Variants in ANO2 observed in about 807,000 individuals in gnomAD.
ANO2 encodes the protein anoctamin 2.
ANO2 carries 101 observed loss-of-function variants against 124.2 expected under a neutral mutation model. That is an observed-to-expected ratio of 0.81 (90% CI 0.69 to 0.96). The LOEUF (loss-of-function observed/expected upper bound fraction) is 0.96. ANO2 is among the 40% of genes least tolerant of loss of function. The probability of loss-of-function intolerance (pLI) is 0.00; values close to 1 mark genes in which losing one functional copy is unlikely to be tolerated. For missense variants in ANO2, 1,293 were observed against 1,274.5 expected (o/e 1.01, Z -0.22); for synonymous variants, 486 against 482.5 (o/e 1.01, Z -0.09).
intron 14 of ANO2, among the ~76,000 whole-genome samples, chr12:5,657,203 G>A (rs918992509): frequency 2.6e-5 from 4 of 152,184 alleles, no homozygotes; most frequent in African/African-American, 9.6e-5. Context: ...TTGACTTGAT[G>A]GGGGGTGGAG....
At chr12:5,669,685 C>G (rs921386438) in intron 14 of ANO2, among the ~76,000 whole-genome samples, 1 of 152,096 alleles carries the variant, frequency 6.6e-6, no homozygotes. Flanking sequence ...TCATAAATGG[C>G]TGGAAGTATT....
chr12:5,727,811 CTTTTTTT>C lies in ANO2; in HGVS notation c.1545+4702_1545+4708del, dbSNP rs78477563. ...TGCCACCACGCCCGGCTACTTTTTT[CTTTTTTT>C]TTTTTCGAGACAGAGTCTTGCTCTG... On this transcript the variant is annotated intron_variant, in intron 14 of 24. Coordinates refer to ENST00000682330, the MANE Select transcript of ANO2 (RefSeq NM_001364791.2). 4.3e-3 allele frequency among the ~76,000 whole-genome samples: 535 copies of C among 124,504 alleles called. 8 individuals are homozygous for C. The highest frequency in any genetic ancestry group is 0.015 in the African/African-American group (512 of 33,074). 81.7% of individuals were successfully genotyped at this position (124,504 alleles called of 152,430 possible). A position where few individuals can be genotyped will look rare whatever the true frequency, so the allele number is the denominator to read the frequency against.
At chr12:5,843,707 C>T (rs1207658490) in intron 4 of ANO2, among the ~76,000 whole-genome samples, 1 of 152,056 alleles carries the variant, frequency 6.6e-6, no homozygotes, top group Admixed American at 6.6e-5. Context: ...TTCCTGTTGC[C>T]GAATTTCATA....
intron 20 of ANO2, among the ~76,000 whole-genome samples, chr12:5,591,165 A>T (rs1174771152): frequency 6.6e-6 from 1 of 152,202 alleles, no homozygotes; most frequent in Non-Finnish European, 1.5e-5. Flanking sequence ...GGGCAACAAG[A>T]GCGAAACTGT....
chr12:5,608,974 TC>T (rs1944348245), intron 19 of ANO2: 1 of 152,246 alleles, frequency 6.6e-6, no homozygotes, highest in Non-Finnish European at 1.5e-5. Context: ...CTGGTGTTTT[TC>T]CCAGATGTTT....
intron 10 of ANO2, among the ~76,000 whole-genome samples, chr12:5,770,412 G>A (rs1478494240): frequency 1.3e-5 from 2 of 152,104 alleles, no homozygotes; most frequent in East Asian, 3.9e-4. Flanking sequence ...TTTCCTTGTT[G>A]CACTGGAACA....
At chr12:5,563,622 G>A in intron 24 of ANO2, 54 bp from the exon 25 acceptor site, 6 of 1,599,390 alleles carry the variant, frequency 3.8e-6, no homozygotes, top group Middle Eastern at 1.7e-4. Flanking sequence ...GCCTGGGGAG[G>A]TGGCGGCCCT....
In ANO2 at chr12:5,939,738, G is replaced by A. The variant is rs375817759; in HGVS notation, c.22+5458C>T. On this transcript the variant is annotated intron_variant, in intron 1 of 24. Coordinates refer to ENST00000682330, the MANE Select transcript of ANO2 (RefSeq NM_001364791.2). Reference sequence around the variant, plus strand: ...GAACAGGCATGGAAGGCTTCCAGGGGCCAGGGCCAGAAGTAGCACATGTCA... The same window carrying A: ...GAACAGGCATGGAAGGCTTCCAGGGACCAGGGCCAGAAGTAGCACATGTCA... Among the ~76,000 whole-genome samples, 20 of 152,306 alleles carry A rather than the reference G, an allele frequency of 1.3e-4. No homozygotes were observed. The East Asian group carries it at 2.9e-3, about 22-fold the overall frequency.
intron 10 of ANO2, among the ~76,000 whole-genome samples, chr12:5,773,030 G>A (rs796872750): frequency 3.3e-5 from 5 of 152,346 alleles, no homozygotes; most frequent in Non-Finnish European, 5.9e-5. Context: ...AGGAGTCAGC[G>A]GATGGGAGAG....
intron 10 of ANO2, among the ~76,000 whole-genome samples, chr12:5,793,410 G>T (rs910938075): frequency 6.6e-6 from 1 of 152,194 alleles, no homozygotes; most frequent in South Asian, 2.1e-4. Context: ...ATTTGCCTCT[G>T]TGAGGCTATG....
chr12:5,827,668 T>C (rs1241034045), intron 7 of ANO2, 101 bp downstream of exon 7: 1 of 1,377,250 alleles, frequency 7.3e-7, no homozygotes, highest in Non-Finnish European at 1.0e-6. Flanking sequence ...GGGCATTTGC[T>C]TGTTTTGTTC....
At chr12:5,776,731 T>A in intron 10 of ANO2, among the ~76,000 whole-genome samples, 1 of 152,250 alleles carries the variant, frequency 6.6e-6, no homozygotes, top group East Asian at 1.9e-4. Context: ...GACTAGAGAA[T>A]GAGAAGCTCC....
In ANO2 at chr12:5,862,821, G is replaced by A. The variant is rs138378535; in HGVS notation, c.535-8680C>T. 4.9e-3 allele frequency among the ~76,000 whole-genome samples: 745 copies of A among 151,754 alleles called. 5 individuals carry two copies. Among genetic ancestry groups the A allele is most frequent in the African/African-American group, 0.017 (691 of 41,324 alleles). On this transcript the variant is annotated intron_variant, in intron 3 of 24. Coordinates refer to ENST00000682330, the MANE Select transcript of ANO2 (RefSeq NM_001364791.2). The surrounding 1 kb of genome is among the most constrained non-coding windows in gnomAD (Gnocchi z 4.0). ...CTTTCTTTTTTTGAGACAAAATTTCGCTCTTGTTACCCAGGCTGGAGTGCA... is the reference window on the plus strand; with the variant it reads ...CTTTCTTTTTTTGAGACAAAATTTCACTCTTGTTACCCAGGCTGGAGTGCA...
At chr12:5,782,565 T>C (rs1355691313) in intron 10 of ANO2, among the ~76,000 whole-genome samples, 1 of 152,194 alleles carries the variant, frequency 6.6e-6, no homozygotes, top group Non-Finnish European at 1.5e-5. Context: ...TGAAAACAAT[T>C]ATTATATTTT....
chr12:5,812,682 GAGAA>G (rs1489017465), intron 7 of ANO2, among the ~76,000 whole-genome samples: 12 of 135,726 alleles, frequency 8.8e-5, no homozygotes, highest in South Asian at 2.6e-4. Context: ...AGGCAGGCAA[GAGAA>G]AGAAAGAAAG....
intron 4 of ANO2, among the ~76,000 whole-genome samples, chr12:5,837,516 C>T (rs1422659269): frequency 7.3e-6 from 1 of 136,512 alleles, no homozygotes; most frequent in Non-Finnish European, 1.5e-5. Context: ...TGTGATGTTC[C>T]CTTTCCTGTG....
At chr12:5,797,188 G>C (rs1952888691) in intron 10 of ANO2, among the ~76,000 whole-genome samples, 1 of 152,234 alleles carries the variant, frequency 6.6e-6, no homozygotes, top group Admixed American at 6.5e-5. Flanking sequence ...TGTGGGGCCT[G>C]TGATGGCTCA....
chr12:5,608,710 T>G (rs1944335946), intron 19 of ANO2: 1 of 152,180 alleles, frequency 6.6e-6, no homozygotes, highest in South Asian at 2.1e-4. Context: ...TAAGCACACA[T>G]CAGTCATAAA....
intron 7 of ANO2, among the ~76,000 whole-genome samples, chr12:5,816,148 CTCTT>C (rs954121132): frequency 5.8e-5 from 7 of 120,636 alleles, no homozygotes; most frequent in Admixed American, 3.9e-4. Context: ...TTCTCTCTCT[CTCTT>C]TTTTTTTTTT....
Sources: gnomAD v4.1 joint callset for allele counts (sites outside exome capture counted in the v4.1 genomes callset) on GRCh38, gnomAD v4.1.1 for gene constraint, Gnocchi (gnomAD v3.1) non-coding constraint, MANE v1.5 for transcripts, NCBI Gene and HGNC (gene_info 2026-07-23, HGNC 2026-07-21) for gene names.